The following CPEB1 variants were observed in gnomAD, a reference collection of about 807,000 sequenced individuals.
The protein encoded by CPEB1 is cytoplasmic polyadenylation element binding protein 1.
Under a neutral mutation model 65.8 loss-of-function variants are expected in CPEB1, and 7 were observed. That is an observed-to-expected ratio of 0.11 (90% CI 0.06 to 0.20). The LOEUF is 0.20. Ranked by LOEUF, CPEB1 falls within the 10% of genes least tolerant of loss-of-function variation. The pLI, the probability that CPEB1 is intolerant of heterozygous loss-of-function variation, is 1.00. For missense variants in CPEB1, 551 were observed against 712.2 expected (o/e 0.77, Z 2.58); for synonymous variants, 262 against 260.0 (o/e 1.01, Z -0.08).
At chr15:82,590,209 C>CAAAAAAAAAAA (rs5814120) in intron 3 of CPEB1, among the ~76,000 whole-genome samples, 2 of 104,156 alleles carry the variant, frequency 1.9e-5, no homozygotes, top group Non-Finnish European at 4.1e-5. Flanking sequence ...ATCCCTTTGA[C>CAAAAAAAAAAA]AAAAAAAAAA....
In CPEB1 at chr15:82,628,407, A is replaced by T; in HGVS notation, c.53T>A (p.Leu18Ter). Residue 18 changes from leucine to a stop codon, truncating the protein, a stop_gained, in exon 2 of 13, where the codon TTG becomes TAG. Transcript: ENST00000684509. LOFTEE classifies it high-confidence loss of function. ...ACAATCTGATAGAGATGAGTGCTCC[A>T]AACCAGTGCCAGACATGGAAGACGA... The part of the protein sequence containing the change: ...STSSSMSGTG[L>*]EHSSLSDCLL... 1.4e-6 allele frequency: 1 copy of T among 702,940 alleles called. No homozygotes were observed. The highest frequency in any genetic ancestry group is 2.6e-6 in the Non-Finnish European group (1 of 384,948). The allele number at this position is 702,940 out of a possible 1,614,324, so 43.5% of individuals were successfully genotyped here.
chr15:82,614,701 T>G (rs2044521213), intron 3 of CPEB1, among the ~76,000 whole-genome samples: 1 of 152,020 alleles, frequency 6.6e-6, no homozygotes, highest in Admixed American at 6.6e-5. Flanking sequence ...TACTGAGGAT[T>G]AGAAATCCAA....
At chr15:82,571,238 G>A in intron 4 of CPEB1, 106 bp downstream of exon 4, 1 of 1,399,170 alleles carries the variant, frequency 7.1e-7, no homozygotes, top group Non-Finnish European at 9.6e-7. Context: ...TGTGTGTATG[G>A]TGGGGAGTGA....
At chr15:82,607,293 A>C (rs1482089023) in intron 3 of CPEB1, among the ~76,000 whole-genome samples, 1 of 152,204 alleles carries the variant, frequency 6.6e-6, no homozygotes, top group East Asian at 1.9e-4. Flanking sequence ...TTAAGACTCA[A>C]AGACACAAAT....
chr15:82,628,282 G>A (rs747294666), intron 2 of CPEB1, 82 bp downstream of exon 2: 79 of 702,510 alleles, frequency 1.1e-4, no homozygotes, highest in Non-Finnish European at 1.9e-4. Context: ...AATCATGAAA[G>A]AAACTGTAGA....
chr15:82,633,986 GCAC>G (rs2046461064), intron 1 of CPEB1, among the ~76,000 whole-genome samples: 1 of 151,472 alleles, frequency 6.6e-6, no homozygotes. Context: ...AAAGAGGGTA[GCAC>G]CTACTTTGCA....
intron 3 of CPEB1, among the ~76,000 whole-genome samples, chr15:82,587,944 C>T (rs2041933246): frequency 1.3e-5 from 2 of 152,054 alleles, no homozygotes; most frequent in African/African-American, 4.8e-5. Context: ...TGTTTTGAGA[C>T]AGGCTCTGGC....
rs368715254 is a variant in CPEB1, at chr15:82,646,451, C to A, written c.-98+686G>T. ...CGTCAGTCAGGGCCGGGGCTGCAGGCGCGGGGCGGGGGAGGAGAGACGCGG... is the reference window on the plus strand; with the variant it reads ...CGTCAGTCAGGGCCGGGGCTGCAGGAGCGGGGCGGGGGAGGAGAGACGCGG... On this transcript the variant is annotated intron_variant, in intron 1 of 12. Transcript: ENST00000684509. Among the ~76,000 whole-genome samples the A allele has an allele frequency of 1.5e-3, 231 of 152,162 alleles. 1 individual carries two copies. Among genetic ancestry groups the A allele is most frequent in the African/African-American group, 5.3e-3 (221 of 41,526 alleles).
At chr15:82,556,335 C>T in intron 5 of CPEB1, 1 of 532,228 alleles carries the variant, frequency 1.9e-6, no homozygotes, top group Non-Finnish European at 3.2e-6. Context: ...TCCATATTGC[C>T]AGTCTTTATA....
chr15:82,547,297 T>TG, intron 10 of CPEB1, 60 bp from the exon 11 acceptor site: 2 of 983,200 alleles, frequency 2.0e-6, no homozygotes, highest in Non-Finnish European at 3.0e-6. Context: ...TACTTTTTTT[T>TG]TTTTTTTTTT....
chr15:82,609,230 T>C (rs2043907617), intron 3 of CPEB1, among the ~76,000 whole-genome samples: 2 of 152,204 alleles, frequency 1.3e-5, no homozygotes, highest in Non-Finnish European at 2.9e-5. Context: ...CTGAATGTCG[T>C]AGCTCACACC....
chr15:82,569,503 G>C (rs1285635581), intron 4 of CPEB1, among the ~76,000 whole-genome samples: 2 of 152,302 alleles, frequency 1.3e-5, no homozygotes, highest in Admixed American at 6.5e-5. Flanking sequence ...TAAAGTGCTT[G>C]GGATGGAAAG....
Position 82,584,903 on chromosome 15 carries a change from C to CTTTTTTTTTTTTTTTTT in CPEB1, c.272-13388_272-13372dup, listed in dbSNP as rs3080692. 1.3e-3 allele frequency among the ~76,000 whole-genome samples: 106 copies of CTTTTTTTTTTTTTTTTT among 81,726 alleles called. 9 individuals are homozygous for CTTTTTTTTTTTTTTTTT. Among genetic ancestry groups the CTTTTTTTTTTTTTTTTT allele is most frequent in the Middle Eastern group, 9.8e-3 (1 of 102 alleles). The allele number at this position is 81,726 out of a possible 152,430, so 53.6% of individuals were successfully genotyped here. A position where few individuals can be genotyped will look rare whatever the true frequency, so the allele number is the denominator to read the frequency against. On this transcript the variant is annotated intron_variant, in intron 3 of 12. Coordinates refer to ENST00000684509, the MANE Select transcript of CPEB1 (RefSeq NM_001365242.1). Reference sequence around the variant, plus strand: ...GACATAATTTTTTTTTCCTAATTTGCTTTTTTTTTTTTTTTTTTTACAGTG... The same window carrying CTTTTTTTTTTTTTTTTT: ...GACATAATTTTTTTTTCCTAATTTGCTTTTTTTTTTTTTTTTTTTTTTTTTTTTTTTTTTTTACAGTG...
chr15:82,605,385 C>A, intron 3 of CPEB1, among the ~76,000 whole-genome samples: 1 of 151,402 alleles, frequency 6.6e-6, no homozygotes, highest in East Asian at 1.9e-4. Flanking sequence ...AAAAGATAAC[C>A]AAATGGGGGC....
intron 3 of CPEB1, among the ~76,000 whole-genome samples, chr15:82,586,694 T>C (rs1009640236): frequency 2.0e-5 from 3 of 152,166 alleles, no homozygotes; most frequent in African/African-American, 7.2e-5. Flanking sequence ...TCTAAAGAAG[T>C]TGTAGGTTCA....
chr15:82,632,959 T>G (rs2046382002), intron 1 of CPEB1, among the ~76,000 whole-genome samples: 1 of 152,236 alleles, frequency 6.6e-6, no homozygotes. Context: ...TTCATCAATG[T>G]ATAGATCTGC....
At chr15:82,582,786 G>GGCT (rs2151106826) in intron 3 of CPEB1, among the ~76,000 whole-genome samples, 1 of 138,010 alleles carries the variant, frequency 7.2e-6, no homozygotes, top group East Asian at 2.2e-4. Context: ...CTGTTGCCCC[G>GGCT]GCTGGAGTGC....
intron 3 of CPEB1, among the ~76,000 whole-genome samples, chr15:82,584,495 T>C (rs371305525): frequency 8.6e-5 from 13 of 151,344 alleles, no homozygotes; most frequent in Admixed American, 2.0e-4. Flanking sequence ...CTGGCCAACA[T>C]GGTGAAACCC....
At chr15:82,589,516 GGT>G (rs2042053665) in intron 3 of CPEB1, among the ~76,000 whole-genome samples, 1 of 152,142 alleles carries the variant, frequency 6.6e-6, no homozygotes, top group African/African-American at 2.4e-5. Flanking sequence ...GGCAGAGGCG[GGT>G]GGATCACTTG....
Sources: allele counts gnomAD v4.1 joint callset (sites outside exome capture counted in the v4.1 genomes callset), GRCh38; gene constraint gnomAD v4.1.1; transcripts MANE v1.5; gene names NCBI Gene and HGNC (gene_info 2026-07-23, HGNC 2026-07-21).